GATA6: variants seen among roughly 807,000 people sequenced by gnomAD.
GATA6 encodes transcription factor GATA-6.
In GATA6, 11 loss-of-function variants were observed where a neutral mutation model predicts 48.1. That is an observed-to-expected ratio of 0.23 (90% CI 0.14 to 0.38). GATA6 has a LOEUF of 0.38. Among genes scored for constraint, GATA6 ranks in the 10% least tolerant of loss-of-function variants. GATA6 has a pLI of 1.00. For synonymous variants in GATA6, 419 were observed against 396.1 expected (o/e 1.06, Z -0.69); for missense variants, 795 against 850.3 (o/e 0.93, Z 0.81).
intron 6 of GATA6, among the ~76,000 whole-genome samples, chr18:22,198,465 C>T (rs1409417829): frequency 6.6e-6 from 1 of 152,148 alleles, no homozygotes; most frequent in East Asian, 1.9e-4. Context: ...ATTTCCTGGG[C>T]CAGTTCAGGA....
chr18:22,177,145 T>C, intron 3 of GATA6, 24 bp downstream of exon 3: 1 of 1,535,118 alleles, frequency 6.5e-7, no homozygotes, highest in Non-Finnish European at 8.8e-7. Flanking sequence ...GCCCTGCCCC[T>C]GGCTCGCGGC....
intron 6 of GATA6, among the ~76,000 whole-genome samples, chr18:22,198,146 G>T (rs1215488474): frequency 6.6e-6 from 1 of 151,070 alleles, no homozygotes; most frequent in Non-Finnish European, 1.5e-5. Context: ...GTGCAGTGAT[G>T]CAATCGTAGC....
At chr18:22,174,683 AG>A (rs2033099046) in intron 2 of GATA6, among the ~76,000 whole-genome samples, 1 of 151,610 alleles carries the variant, frequency 6.6e-6, no homozygotes, top group Non-Finnish European at 1.5e-5. Flanking sequence ...TTGTCCTCAC[AG>A]GTATTCTGAG....
Position 22,172,068 on chromosome 18 carries a change from C to A in GATA6, c.924C>A (p.Pro308=), listed in dbSNP as rs1431203656. Reference sequence around the variant, plus strand: ...TGGCGGCCATGGGCGGCCGCGAGCCCCAGTACAGCTCGCTGTCGGCCGCGC... The same window carrying A: ...TGGCGGCCATGGGCGGCCGCGAGCCACAGTACAGCTCGCTGTCGGCCGCGC... ...SSLAAMGGRE[P]QYSSLSAARP... Residue 308 remains proline (P), a synonymous_variant, in exon 2 of 7, where the codon CCC becomes CCA. Coordinates refer to ENST00000269216, the MANE Select transcript of GATA6 (RefSeq NM_005257.6). The surrounding 1 kb of genome is among the most constrained non-coding windows in gnomAD (Gnocchi z 5.2). The A allele has an allele frequency of 2.1e-6, 3 of 1,437,864 alleles. No individual in the cohort carries two copies. The highest frequency in any genetic ancestry group is 2.9e-5 in the South Asian group (2 of 68,716). The allele number at this position is 1,437,864 out of a possible 1,614,324, so 89.1% of individuals were successfully genotyped here. A position where few individuals can be genotyped will look rare whatever the true frequency, so the allele number is the denominator to read the frequency against.
At chr18:22,187,723 G>T (rs71358462) in intron 6 of GATA6, among the ~76,000 whole-genome samples, 74 of 151,944 alleles carry the variant, frequency 4.9e-4, no homozygotes, top group Admixed American at 7.9e-4. Flanking sequence ...AAAACTGGAG[G>T]ATACTTTATA....
intron 6 of GATA6, among the ~76,000 whole-genome samples, chr18:22,196,085 GGTGTTACCAT>G (rs1476967537): frequency 2.6e-5 from 4 of 152,300 alleles, no homozygotes; most frequent in Admixed American, 6.5e-5. Flanking sequence ...TGAGGGGACT[GGTGTTACCAT>G]GTAAGTAACA....
Position 22,172,058 on chromosome 18 carries a change from G to T in GATA6, c.914G>T (p.Gly305Val). 7.8e-7 allele frequency: 1 copy of T among 1,280,334 alleles called. No individual in the cohort carries two copies. Among genetic ancestry groups the T allele is most frequent in the Non-Finnish European group, 9.8e-7 (1 of 1,016,890 alleles). The allele number at this position is 1,280,334 out of a possible 1,614,324, so 79.3% of individuals were successfully genotyped here. Reference protein sequence around the residue: ...GGGSSLAAMGGREPQYSSLSA... With the variant: ...GGGSSLAAMGVREPQYSSLSA... The stretch of plus-strand genomic sequence containing the variant: ...GGCAGTAGCCTGGCGGCCATGGGCG[G>T]CCGCGAGCCCCAGTACAGCTCGCTG... The change falls in exon 2 of 7, where the codon GGC (glycine) becomes GTC (valine). Residue 305 changes from glycine (G) to valine (V), a missense_variant. Physicochemically the swap from Gly to Val is moderately radical, Grantham distance 109 (BLOSUM62 -3). Around this residue, in one of 5 missense-constraint regions of GATA6, gnomAD observed 591 missense variants for 570.0 expected, o/e 1.04. Transcript: ENST00000269216. This position sits in a 1 kb window ranked among gnomAD's most constrained non-coding sequence, Gnocchi z 5.2.
intron 4 of GATA6, among the ~76,000 whole-genome samples, 167 bp downstream of exon 4, chr18:22,181,745 T>G (rs2033198506): frequency 6.6e-6 from 1 of 152,218 alleles, no homozygotes; most frequent in South Asian, 2.1e-4. Context: ...TGAATATATT[T>G]ATTGAATTGA....
At chr18:22,180,933 C>T (rs2033186835) in intron 3 of GATA6, among the ~76,000 whole-genome samples, 1 of 151,734 alleles carries the variant, frequency 6.6e-6, no homozygotes, top group African/African-American at 2.4e-5. Flanking sequence ...CGGCCAATTG[C>T]TGTCCACGGT....
Position 22,177,950 on chromosome 18 carries a change from TTG to T in GATA6, c.1302+831_1302+832del, listed in dbSNP as rs201494284. Among the ~76,000 whole-genome samples, 233 of 119,890 alleles carry T rather than the reference TTG, an allele frequency of 1.9e-3. 48 individuals are homozygous for T. The highest frequency in any genetic ancestry group is 0.011 in the African/African-American group (205 of 18,050). 78.7% of individuals were successfully genotyped at this position (119,890 alleles called of 152,430 possible). A position where few individuals can be genotyped will look rare whatever the true frequency, so the allele number is the denominator to read the frequency against. On this transcript the variant is annotated intron_variant, in intron 3 of 6. Coordinates refer to ENST00000269216, the MANE Select transcript of GATA6 (RefSeq NM_005257.6). ...AATTCGCACACGTTTTACTGTTTTT[TTG>T]TTTTTTTTTTTTTTTTTTTTTTTTT...
intron 4 of GATA6, 103 bp from the exon 5 acceptor site, chr18:22,182,654 G>T: frequency 1.2e-6 from 1 of 838,926 alleles, no homozygotes; most frequent in Non-Finnish European, 1.9e-6. Context: ...CACTGCACTC[G>T]GCCGCCAAAT....
intron 6 of GATA6, among the ~76,000 whole-genome samples, chr18:22,197,632 A>C (rs1380573885): frequency 6.6e-6 from 1 of 152,190 alleles, no homozygotes; most frequent in Non-Finnish European, 1.5e-5. Context: ...TTAACATGGC[A>C]AGGCACCTTG....
Position 22,171,016 on chromosome 18 carries a change from AG to A in GATA6, c.-37-91del. ...TGAGAAGTCAGATCCCATTTGAACT[AG>A]AAAAAGGAGTGGAGGCGAGGTAGCG... On this transcript the variant is annotated intron_variant, in intron 1 of 6. Coordinates refer to ENST00000269216, the MANE Select transcript of GATA6 (RefSeq NM_005257.6). This position sits in a 1 kb window ranked among gnomAD's most constrained non-coding sequence, Gnocchi z 7.1. 5.3e-6 allele frequency: 4 copies of A among 752,982 alleles called. No individual in the cohort carries two copies. In the South Asian group the frequency reaches 5.9e-5, roughly 11 times the overall value. The allele number at this position is 752,982 out of a possible 1,614,324, so 46.6% of individuals were successfully genotyped here.
At chr18:22,177,171 C>T in intron 3 of GATA6, 50 bp downstream of exon 3, 1 of 1,496,976 alleles carries the variant, frequency 6.7e-7, no homozygotes, top group Non-Finnish European at 8.9e-7. Flanking sequence ...CCGGGCTCTC[C>T]TGGCCCGGCC....
In GATA6 at chr18:22,171,687, G is replaced by C. The variant is rs1462466315; in HGVS notation, c.543G>C (p.Ala181=). The C allele has an allele frequency of 1.3e-5, 19 of 1,498,354 alleles. No homozygotes were observed. Among genetic ancestry groups the C allele is most frequent in the Non-Finnish European group, 1.7e-5 (19 of 1,132,744 alleles). The allele number at this position is 1,498,354 out of a possible 1,614,324, so 92.8% of individuals were successfully genotyped here. ...CGGCCGCGGCGGCAGCAGCCGCGGC[G>C]GCGGCCAGCTCCCCGGTCTACGTGC... is the stretch of plus-strand genomic sequence containing the variant. ...HSAAAAAAAA[A]AASSPVYVPT... Residue 181 remains alanine (A), a synonymous_variant, in exon 2 of 7, where the codon GCG becomes GCC. Coordinates refer to ENST00000269216, the MANE Select transcript of GATA6 (RefSeq NM_005257.6). The surrounding 1 kb of genome is among the most constrained non-coding windows in gnomAD (Gnocchi z 7.1).
Position 22,171,459 on chromosome 18 carries a change from C to T in GATA6, c.315C>T (p.Asn105=). ...SAPGVAGPGG[N]LSSWEDLLLF... is the part of the protein sequence containing the mutation. Reference sequence around the variant, plus strand: ...CTGGGGTCGCGGGCCCCGGGGGCAACCTGTCGAGCTGGGAGGACTTGCTGC... The same window carrying T: ...CTGGGGTCGCGGGCCCCGGGGGCAATCTGTCGAGCTGGGAGGACTTGCTGC... Residue 105 remains asparagine (N), a synonymous_variant, in exon 2 of 7, where the codon AAC becomes AAT. Coordinates refer to ENST00000269216, the MANE Select transcript of GATA6 (RefSeq NM_005257.6). This position sits in a 1 kb window ranked among gnomAD's most constrained non-coding sequence, Gnocchi z 7.1. The T allele has an allele frequency of 6.3e-7, 1 of 1,598,638 alleles. No individual in the cohort carries two copies. Among genetic ancestry groups the T allele is most frequent in the Middle Eastern group, 1.7e-4 (1 of 6,054 alleles).
At chr18:22,195,343 C>T (rs1022735243) in intron 6 of GATA6, among the ~76,000 whole-genome samples, 2 of 152,088 alleles carry the variant, frequency 1.3e-5, no homozygotes, top group Admixed American at 6.5e-5. Context: ...GTTAGTGCCT[C>T]GACTCTGGTT....
At position 22,172,302 on chromosome 18, in the gene GATA6, G is replaced by A. The variant is rs772392056; in HGVS notation, c.1135+23G>A. 3 of 1,529,818 alleles carry A rather than the reference G, an allele frequency of 2.0e-6. No individual in the cohort carries two copies. The highest frequency in any genetic ancestry group is 1.2e-5 in the South Asian group (1 of 83,692). The allele number at this position is 1,529,818 out of a possible 1,614,324, so 94.8% of individuals were successfully genotyped here. Reference sequence around the variant, plus strand: ...CAGGTAAGGGTCGCGCCTCAGGTTCGGGGTGCGGGTCCAAAGCGCTGGGGC... The same window carrying A: ...CAGGTAAGGGTCGCGCCTCAGGTTCAGGGTGCGGGTCCAAAGCGCTGGGGC... On this transcript the variant is annotated intron_variant, in intron 2 of 6. Coordinates refer to ENST00000269216, the MANE Select transcript of GATA6 (RefSeq NM_005257.6). This position sits in a 1 kb window ranked among gnomAD's most constrained non-coding sequence, Gnocchi z 5.2.
At chr18:22,180,567 A>G (rs2033179883) in intron 3 of GATA6, among the ~76,000 whole-genome samples, 1 of 152,190 alleles carries the variant, frequency 6.6e-6, no homozygotes, top group Non-Finnish European at 1.5e-5. Context: ...CAGTGGCAGC[A>G]TTAAGATTAT....
Sources: allele counts gnomAD v4.1 joint callset (sites outside exome capture counted in the v4.1 genomes callset), GRCh38; gene constraint gnomAD v4.1.1; regional missense constraint gnomAD v4.1.1; non-coding constraint Gnocchi (gnomAD v3.1); transcripts MANE v1.5; gene names NCBI Gene and HGNC (gene_info 2026-07-23, HGNC 2026-07-21).